MSRB3: variants seen among roughly 807,000 people sequenced by gnomAD.
MSRB3 encodes methionine sulfoxide reductase B3.
MSRB3 carries 13 observed loss-of-function variants against 21.0 expected under a neutral mutation model. The ratio of observed to expected loss-of-function variants is 0.62; its 90% CI spans 0.40 to 0.98. MSRB3 has a LOEUF of 0.98. MSRB3 is among the 50% of genes least tolerant of loss of function. The pLI is 0.00. For missense variants in MSRB3, 199 were observed against 230.3 expected (o/e 0.86, Z 0.88); for synonymous variants, 87 against 88.6 (o/e 0.98, Z 0.10).
chr12:65,287,013 C>G (rs1485900497), intron 1 of MSRB3, among the ~76,000 whole-genome samples: 1 of 111,638 alleles, frequency 9.0e-6, no homozygotes, highest in Non-Finnish European at 1.8e-5. Flanking sequence ...AGAGCGAGAC[C>G]CTTTCTCAAA....
At chr12:65,428,597 C>G (rs528938908) in intron 5 of MSRB3, among the ~76,000 whole-genome samples, 8 of 152,258 alleles carry the variant, frequency 5.3e-5, no homozygotes, top group Admixed American at 5.2e-4. Context: ...AGTTTACAAA[C>G]AGGAGTACGA....
At chr12:65,332,636 A>G (rs988510176) in intron 4 of MSRB3, among the ~76,000 whole-genome samples, 2 of 151,740 alleles carry the variant, frequency 1.3e-5, no homozygotes, top group Admixed American at 6.6e-5. Context: ...AAAGTATAAT[A>G]AAAAAAAGAA....
chr12:65,437,960 A>G (rs765722349), intron 5 of MSRB3, among the ~76,000 whole-genome samples: 10 of 151,870 alleles, frequency 6.6e-5, no homozygotes, highest in Non-Finnish European at 1.2e-4. Flanking sequence ...TGTGACCATG[A>G]GGGGGATATC....
At chr12:65,389,749 C>T (rs569856179) in intron 5 of MSRB3, among the ~76,000 whole-genome samples, 1 of 152,260 alleles carries the variant, frequency 6.6e-6, no homozygotes, top group Admixed American at 6.5e-5. Flanking sequence ...GATTTGTTTT[C>T]CTTATGCTAA....
intron 6 of MSRB3, chr12:65,454,121 A>G (rs1882984061): frequency 8.4e-6 from 5 of 596,482 alleles, no homozygotes; most frequent in Non-Finnish European, 1.5e-5. Context: ...TCGTCTCTAC[A>G]GAAAATATTT....
intron 5 of MSRB3, among the ~76,000 whole-genome samples, chr12:65,407,246 A>AT (rs917937712): frequency 0.019 from 2,793 of 147,140 alleles, 91 homozygotes; most frequent in African/African-American, 0.065. Context: ...AAAAACCGCA[A>AT]TTTTTTTTTT....
intron 5 of MSRB3, among the ~76,000 whole-genome samples, chr12:65,439,272 A>G (rs997917731): frequency 2.0e-5 from 3 of 151,740 alleles, no homozygotes; most frequent in African/African-American, 7.2e-5. Context: ...TAACATAAAT[A>G]ATAAATATAT....
chr12:65,432,209 A>G (rs891562437), intron 5 of MSRB3, among the ~76,000 whole-genome samples: 4 of 151,952 alleles, frequency 2.6e-5, no homozygotes, highest in Non-Finnish European at 5.9e-5. Flanking sequence ...AAAAAAATCA[A>G]TGCAAAATTA....
chr12:65,338,829 C>T (rs1292388899), intron 4 of MSRB3, among the ~76,000 whole-genome samples: 1 of 152,136 alleles, frequency 6.6e-6, no homozygotes, highest in Non-Finnish European at 1.5e-5. Context: ...AATTCTAGCA[C>T]TTTGGAAGGC....
rs1874368477 is a variant in MSRB3, at chr12:65,317,389, G to A, written c.76+8734G>A. On this transcript the variant is annotated intron_variant, in intron 2 of 6. Transcript: ENST00000308259. Reference sequence around the variant, plus strand: ...TGGCCACTTTCTCCCCGCCTTTTTAGTGGAGCATAAAATAATGGGGTATCA... The same window carrying A: ...TGGCCACTTTCTCCCCGCCTTTTTAATGGAGCATAAAATAATGGGGTATCA... 3.9e-5 allele frequency among the ~76,000 whole-genome samples: 6 copies of A among 152,120 alleles called. No individual in the cohort carries two copies. In the South Asian group the frequency reaches 1.2e-3, roughly 32 times the overall value.
intron 5 of MSRB3, among the ~76,000 whole-genome samples, chr12:65,436,283 T>A (rs1882112237): frequency 6.6e-6 from 1 of 151,926 alleles, no homozygotes; most frequent in Non-Finnish European, 1.5e-5. Context: ...AATACAGTCA[T>A]CACAGATATC....
At chr12:65,372,682 A>C (rs957510081) in intron 5 of MSRB3, among the ~76,000 whole-genome samples, 2 of 152,220 alleles carry the variant, frequency 1.3e-5, no homozygotes, top group African/African-American at 4.8e-5. Context: ...CATTGAGTTT[A>C]ATGTAGTGAT....
intron 5 of MSRB3, among the ~76,000 whole-genome samples, chr12:65,417,472 A>T (rs1489082629): frequency 6.6e-6 from 1 of 152,298 alleles, no homozygotes. Flanking sequence ...TAACATATGC[A>T]TTACCTCACA....
intron 2 of MSRB3, among the ~76,000 whole-genome samples, chr12:65,324,516 G>A (rs1874890462): frequency 6.6e-6 from 1 of 152,052 alleles, no homozygotes. Flanking sequence ...CACTAGTAAA[G>A]CTTTTATGTT....
At chr12:65,375,011 G>A in intron 5 of MSRB3, among the ~76,000 whole-genome samples, 1 of 96,044 alleles carries the variant, frequency 1.0e-5, no homozygotes, top group East Asian at 2.7e-4. Context: ...CACCACGCCT[G>A]GCTTTTTTTT....
chr12:65,316,262 T>C (rs548018238), intron 2 of MSRB3: 1 of 152,130 alleles, frequency 6.6e-6, no homozygotes, highest in African/African-American at 2.4e-5. Context: ...GTGAGGGTTA[T>C]TGTATTATAT....
At chr12:65,434,521 A>T (rs1274721488) in intron 5 of MSRB3, among the ~76,000 whole-genome samples, 3 of 151,928 alleles carry the variant, frequency 2.0e-5, no homozygotes, top group African/African-American at 7.2e-5. Flanking sequence ...AGTGAAGAAT[A>T]TTTATGGAAA....
At chr12:65,440,116 T>C (rs780562098) in intron 5 of MSRB3, among the ~76,000 whole-genome samples, 1 of 151,716 alleles carries the variant, frequency 6.6e-6, no homozygotes, top group Non-Finnish European at 1.5e-5. Context: ...GGTAGCCCGA[T>C]TGGTATTCTG....
At chr12:65,391,989 C>T (rs1291278845) in intron 5 of MSRB3, among the ~76,000 whole-genome samples, 4 of 152,148 alleles carry the variant, frequency 2.6e-5, no homozygotes, top group African/African-American at 4.8e-5. Flanking sequence ...TTTCCTGCTA[C>T]AGTAGTACTG....
Sources: gnomAD v4.1 joint callset for allele counts (sites outside exome capture counted in the v4.1 genomes callset) on GRCh38, gnomAD v4.1.1 for gene constraint, MANE v1.5 for transcripts, NCBI Gene and HGNC (gene_info 2026-07-23, HGNC 2026-07-21) for gene names.